Variants in STAP2 observed in about 807,000 individuals in gnomAD.
STAP2 encodes the protein signal-transducing adaptor protein 2.
In STAP2, 58 loss-of-function variants were observed where a neutral mutation model predicts 52.7. The ratio of observed to expected loss-of-function variants is 1.10; its 90% CI spans 0.89 to 1.37. The LOEUF is 1.37. STAP2 is among the 40% of genes most tolerant of loss of function. The pLI is 0.00. For missense variants in STAP2, 522 were observed against 519.4 expected, an observed-to-expected ratio of 1.00 and a Z score of -0.05; for synonymous variants, 231 against 210.5, an observed-to-expected ratio of 1.10 and a Z score of -0.84.
Position 4,327,364 on chromosome 19 carries a change from G to C in STAP2, c.612C>G (p.Tyr204Ter). 6.2e-7 allele frequency: 1 copy of C among 1,614,106 alleles called. No homozygotes were observed. Among genetic ancestry groups the C allele is most frequent in the Non-Finnish European group, 8.5e-7 (1 of 1,180,002 alleles). Reference protein sequence around the residue: ...MHNGTHVVRHYKVKREGPKYV... With the variant: ...MHNGTHVVRH ...ACTTGGGGCCCTCCCGCTTCACCTT[G>C]TAATGCCGGACCACGTGCGTCCTGC... is the stretch of plus-strand genomic sequence containing the variant. The change falls in exon 7 of 13, where the codon TAC becomes TAG. Residue 204 changes from tyrosine (Y) to a stop codon, truncating the protein, a stop_gained. Coordinates refer to ENST00000594605, the MANE Select transcript of STAP2 (RefSeq NM_001013841.2). LOFTEE classifies it high-confidence loss of function.
intron 3 of STAP2, among the ~76,000 whole-genome samples, chr19:4,333,432 G>A (rs1245043609): frequency 6.6e-6 from 1 of 152,132 alleles, no homozygotes; most frequent in Non-Finnish European, 1.5e-5. Flanking sequence ...GGAGGTGGAG[G>A]TTGCAGTGAG....
chr19:4,326,288 ATC>A (rs1321063075), intron 9 of STAP2, among the ~76,000 whole-genome samples: 2 of 152,172 alleles, frequency 1.3e-5, no homozygotes, highest in Non-Finnish European at 2.9e-5. Context: ...TGCATGTGTG[ATC>A]TGTTGTGCCC....
At position 4,328,710 on chromosome 19, in the gene STAP2, G is replaced by A; in HGVS notation, c.555C>T (p.Asp185=). The change falls in exon 6 of 13, where the codon GAC becomes GAT. Residue 185 remains aspartate, a synonymous_variant. Transcript: ENST00000594605. ...LLLRPSGDGA[D]GVSVTTRQMH... ...TCTGCCGCGTGGTGACCGACACGCC[G>A]TCGGCGCCGTCCCCGCTGGGCCGCA... is the stretch of plus-strand genomic sequence containing the variant. 1.3e-6 allele frequency: 2 copies of A among 1,537,200 alleles called. No homozygotes were observed. Among genetic ancestry groups the A allele is most frequent in the South Asian group, 1.1e-5 (1 of 88,962 alleles).
chr19:4,324,308 G>A (rs1971746895), intron 12 of STAP2, 111 bp from the exon 13 acceptor site: 3 of 1,323,904 alleles, frequency 2.3e-6, no homozygotes, highest in Non-Finnish European at 1.1e-6. Context: ...CCGTGCAACA[G>A]GACAGTGTGC....
intron 4 of STAP2, 117 bp downstream of exon 4, chr19:4,331,905 C>A: frequency 9.2e-7 from 1 of 1,083,170 alleles, no homozygotes; most frequent in Non-Finnish European, 1.3e-6. Context: ...GCACTCCAGC[C>A]TGGGCGACAG....
intron 1 of STAP2, among the ~76,000 whole-genome samples, chr19:4,335,674 C>G (rs1669149597): frequency 6.6e-6 from 1 of 152,294 alleles, no homozygotes; most frequent in Admixed American, 6.5e-5. Context: ...GGATTAAACA[C>G]TGTATTGCTT....
rs1186016109 is a variant in STAP2 at position 4,328,700 on chromosome 19, C to G, written c.565G>C (p.Val189Leu). ...PSGDGADGVS[V>L]TTRQMHNGTH... ...CCGTTGTGCATCTGCCGCGTGGTGA[C>G]CGACACGCCGTCGGCGCCGTCCCCG... Residue 189 changes from valine (V) to leucine (L), a missense_variant, in exon 6 of 13, where the codon GTC becomes CTC. Physicochemically the swap from Val to Leu is conservative, Grantham distance 32. Coordinates refer to ENST00000594605, the MANE Select transcript of STAP2 (RefSeq NM_001013841.2). The G allele has an allele frequency of 6.2e-7, 1 of 1,604,816 alleles. No homozygotes were observed. The highest frequency in any genetic ancestry group is 8.5e-7 in the Non-Finnish European group (1 of 1,176,626).
At position 4,324,397 on chromosome 19, in the gene STAP2, G is replaced by T; in HGVS notation, c.1147+58C>A. 2.1e-6 allele frequency: 3 copies of T among 1,457,822 alleles called. No individual in the cohort carries two copies. In the South Asian group the frequency reaches 3.9e-5, roughly 19 times the overall value. The allele number at this position is 1,457,822 out of a possible 1,614,324, so 90.3% of individuals were successfully genotyped here. Reference sequence around the variant, plus strand: ...CGCTTCGGAGTGTGGGGACTTGTGTGACTGTACGGTCACACACCTGGGAAG... The same window carrying T: ...CGCTTCGGAGTGTGGGGACTTGTGTTACTGTACGGTCACACACCTGGGAAG... On this transcript the variant is annotated intron_variant, in intron 12 of 12. Coordinates refer to ENST00000594605, the MANE Select transcript of STAP2 (RefSeq NM_001013841.2).
At chr19:4,326,085 G>A (rs533149991) in intron 9 of STAP2, among the ~76,000 whole-genome samples, 2 of 152,328 alleles carry the variant, frequency 1.3e-5, no homozygotes, top group South Asian at 2.1e-4. Context: ...GTGACTGCAC[G>A]CCTGCTGAGG....
intron 6 of STAP2, among the ~76,000 whole-genome samples, chr19:4,327,610 G>A (rs957169836): frequency 6.6e-6 from 1 of 151,972 alleles, no homozygotes; most frequent in Non-Finnish European, 1.5e-5. Context: ...CTCCCAGCGG[G>A]GACCAGGCCC....
At chr19:4,338,607 C>A (rs747415172) in intron 1 of STAP2, 45 bp downstream of exon 1, 7 of 1,504,032 alleles carry the variant, frequency 4.7e-6, no homozygotes, top group Non-Finnish European at 6.3e-6. Flanking sequence ...TGCCGCAGCT[C>A]CCCACGGTGG....
intron 4 of STAP2, among the ~76,000 whole-genome samples, chr19:4,331,195 T>C (rs913724146): frequency 5.3e-5 from 8 of 151,364 alleles, no homozygotes; most frequent in Non-Finnish European, 8.8e-5. Context: ...TCAGATGTGG[T>C]AGTGTGTGTC....
intron 9 of STAP2, 29 bp downstream of exon 9, chr19:4,326,913 C>G: frequency 6.4e-7 from 1 of 1,550,468 alleles, no homozygotes; most frequent in Non-Finnish European, 8.7e-7. Context: ...CGATCCCTCC[C>G]ACCTCGGCCC....
intron 5 of STAP2, among the ~76,000 whole-genome samples, chr19:4,329,219 C>T (rs532570474): frequency 8.5e-5 from 13 of 152,094 alleles, no homozygotes; most frequent in Non-Finnish European, 1.8e-4. Flanking sequence ...CCCGCCTCGG[C>T]TTCCCAAGGT....
chr19:4,325,030 T>A (rs2144777690), intron 11 of STAP2, 186 bp downstream of exon 11: 1 of 575,522 alleles, frequency 1.7e-6, no homozygotes, highest in East Asian at 3.0e-5. Flanking sequence ...TCCCAGCTAC[T>A]GGAGAGGCTG....
intron 5 of STAP2, among the ~76,000 whole-genome samples, chr19:4,329,408 C>G (rs758504537): frequency 1.3e-5 from 2 of 152,008 alleles, no homozygotes; most frequent in Non-Finnish European, 2.9e-5. Flanking sequence ...GCCAGCCAGG[C>G]TCTTAATTCT....
At chr19:4,325,883 C>T (rs371837895) in intron 9 of STAP2, among the ~76,000 whole-genome samples, 3 of 151,778 alleles carry the variant, frequency 2.0e-5, no homozygotes, top group African/African-American at 2.4e-5. Context: ...GCAGGAGAAT[C>T]GCTTGAACCT....
rs1233395133 is a variant in STAP2, at chr19:4,324,447, C to T, written c.1147+8G>A. The T allele has an allele frequency of 6.4e-7, 1 of 1,560,264 alleles. No individual in the cohort carries two copies. The highest frequency in any genetic ancestry group is 8.7e-7 in the Non-Finnish European group (1 of 1,149,438). ...GCCCGCCCCGCACTGACCCCGCAGA[C>T]CCCTTACCGGCTGTGGGGAAGAGAG... On this transcript the variant is annotated splice_region_variant and intron_variant, in intron 12 of 12. Transcript: ENST00000594605.
intron 6 of STAP2, 61 bp from the exon 7 acceptor site, chr19:4,327,446 A>AC: frequency 3.8e-6 from 6 of 1,580,878 alleles, no homozygotes; most frequent in Non-Finnish European, 5.2e-6. Flanking sequence ...CCCTCAGGGA[A>AC]GGCCCCGCCC....
Sources: gnomAD v4.1 joint callset for allele counts (sites outside exome capture counted in the v4.1 genomes callset) on GRCh38, gnomAD v4.1.1 for gene constraint, MANE v1.5 for transcripts, NCBI Gene and HGNC (gene_info 2026-07-23, HGNC 2026-07-21) for gene names.